VTA1: variants seen among roughly 807,000 people sequenced by gnomAD.
VTA1 encodes the protein vesicle trafficking 1.
In VTA1, 24 loss-of-function variants were observed where a neutral mutation model predicts 36.9. That is an observed-to-expected ratio of 0.65 (90% confidence interval 0.47 to 0.91). The LOEUF (loss-of-function observed/expected upper bound fraction) is 0.91. VTA1 is among the 40% of genes least tolerant of loss of function. The pLI is 0.00. For missense variants in VTA1, 393 were observed against 377.2 expected (o/e 1.04, Z -0.35); for synonymous variants, 142 against 130.2 (o/e 1.09, Z -0.62).
Position 142,222,930 on chromosome 6 carries a change from C to G in VTA1, c.*4287C>G, listed in dbSNP as rs1776137494. On this transcript the variant is annotated 3_prime_UTR_variant, in exon 8 of 8. Coordinates refer to ENST00000367630, the MANE Select transcript of VTA1 (RefSeq NM_016485.5). The stretch of plus-strand genomic sequence containing the variant: ...TCTGTTTTAAGATGAGGAAAGGGAG[C>G]CACAGAGTAACAAATTTGCCTAAGG... 1 of 152,128 alleles carries G rather than the reference C, an allele frequency of 6.6e-6. No individual in the cohort carries two copies. The highest frequency in any genetic ancestry group is 1.5e-5 in the Non-Finnish European group (1 of 68,008). 9.4% of individuals were successfully genotyped at this position (152,128 alleles called of 1,614,324 possible).
chr6:142,147,963 T>G (rs1328002155), intron 1 of VTA1, among the ~76,000 whole-genome samples: 1 of 152,226 alleles, frequency 6.6e-6, no homozygotes, highest in Non-Finnish European at 1.5e-5. Context: ...AGTTTTGACT[T>G]CTTTGAATAA....
intron 7 of VTA1, among the ~76,000 whole-genome samples, chr6:142,207,626 G>A (rs981869847): frequency 6.6e-6 from 1 of 151,818 alleles, no homozygotes; most frequent in African/African-American, 2.4e-5. Context: ...AGGAGGTAGC[G>A]ACCTAGCAGT....
chr6:142,208,444 C>A (rs1193710507), intron 7 of VTA1, among the ~76,000 whole-genome samples: 2 of 152,036 alleles, frequency 1.3e-5, no homozygotes, highest in African/African-American at 4.8e-5. Flanking sequence ...TAGAAATCTA[C>A]CTCAGAAGAC....
intron 4 of VTA1, among the ~76,000 whole-genome samples, chr6:142,173,944 T>C (rs1775071564): frequency 6.6e-6 from 1 of 151,598 alleles, no homozygotes; most frequent in Admixed American, 6.6e-5. Flanking sequence ...TTTTACCCCC[T>C]ATCTCACTAC....
At chr6:142,198,315 C>T (rs546235958) in intron 5 of VTA1, 124 bp from the exon 6 acceptor site, 2 of 828,882 alleles carry the variant, frequency 2.4e-6, no homozygotes, top group African/African-American at 1.8e-5. Context: ...GAGCTTGCTT[C>T]TCCACTGCAT....
At chr6:142,152,771 G>T (rs1778591629) in intron 1 of VTA1, among the ~76,000 whole-genome samples, 1 of 151,954 alleles carries the variant, frequency 6.6e-6, no homozygotes, top group African/African-American at 2.4e-5. Context: ...CATGTTAAGG[G>T]ATACATTTCT....
At chr6:142,158,525 T>C (rs780656602) in intron 1 of VTA1, among the ~76,000 whole-genome samples, 16 of 152,234 alleles carry the variant, frequency 1.1e-4, no homozygotes, top group Non-Finnish European at 2.2e-4. Flanking sequence ...GTTATTATTA[T>C]TCCAGTTCAG....
chr6:142,157,027 GGTAGCGTTTACCT>G (rs1330117388), intron 1 of VTA1, among the ~76,000 whole-genome samples: 2 of 152,188 alleles, frequency 1.3e-5, no homozygotes, highest in African/African-American at 4.8e-5. Flanking sequence ...AGCCGGGCGT[GGTAGCGTTTACCT>G]GTAGTCCCAG....
intron 2 of VTA1, among the ~76,000 whole-genome samples, chr6:142,166,633 G>C (rs868634005): frequency 6.8e-6 from 1 of 146,248 alleles, no homozygotes; most frequent in Non-Finnish European, 1.5e-5. Flanking sequence ...TTTTTAAGTT[G>C]AGACAGGGTC....
chr6:142,166,297 C>T lies in VTA1; in HGVS notation c.182C>T (p.Ser61Leu), dbSNP rs554812192. The T allele has an allele frequency of 6.2e-7, 1 of 1,611,712 alleles. No homozygotes were observed. Among genetic ancestry groups the T allele is most frequent in the East Asian group, 2.2e-5 (1 of 44,750 alleles). The change falls in exon 2 of 8, where the codon TCA (serine) becomes TTA (leucine). Residue 61 changes from serine (S) to leucine (L), a missense_variant. Transcript: ENST00000367630. ...SKTPECRKFL[S>L]KLMDQLEALK... ...ACTCCTGAATGTCGCAAATTTTTAT[C>T]AAAGTTAATGGATCAGTTAGAAGCT...
intron 3 of VTA1, among the ~76,000 whole-genome samples, chr6:142,170,019 G>T (rs185503786): frequency 2.6e-5 from 4 of 152,182 alleles, no homozygotes; most frequent in East Asian, 3.9e-4. Flanking sequence ...CAATTCAAAT[G>T]ATTTATCAGT....
At chr6:142,203,940 A>G (rs775134514) in intron 6 of VTA1, 45 bp from the exon 7 acceptor site, 3 of 1,508,224 alleles carry the variant, frequency 2.0e-6, no homozygotes, top group Non-Finnish European at 2.8e-6. Context: ...GTATAATTAA[A>G]AGGTGTAATA....
chr6:142,211,712 TA>T (rs915296407), intron 7 of VTA1, among the ~76,000 whole-genome samples: 35 of 99,838 alleles, frequency 3.5e-4, no homozygotes, highest in Non-Finnish European at 5.4e-4. Flanking sequence ...CTCCATCTCT[TA>T]AAAAAAAAAA....
chr6:142,197,504 C>T (rs1056841360), intron 5 of VTA1, among the ~76,000 whole-genome samples: 24 of 152,158 alleles, frequency 1.6e-4, no homozygotes, highest in Non-Finnish European at 2.9e-4. Context: ...AAATTCGGCT[C>T]ACGATACAGT....
At chr6:142,182,029 G>A (rs1775251548) in intron 4 of VTA1, among the ~76,000 whole-genome samples, 1 of 152,168 alleles carries the variant, frequency 6.6e-6, no homozygotes, top group Non-Finnish European at 1.5e-5. Flanking sequence ...TGGAAGTCTT[G>A]TTTATATAAT....
intron 2 of VTA1, among the ~76,000 whole-genome samples, chr6:142,168,959 C>T (rs553903208): frequency 3.6e-4 from 54 of 151,638 alleles, no homozygotes; most frequent in South Asian, 1.0e-3. Flanking sequence ...TTAGTAGAGA[C>T]GGGGTTTCAC....
chr6:142,216,918 C>T (rs1202496076), intron 7 of VTA1, among the ~76,000 whole-genome samples: 1 of 152,056 alleles, frequency 6.6e-6, no homozygotes, highest in South Asian at 2.1e-4. Flanking sequence ...CAAAAAGTAG[C>T]GTTAAGGTAA....
chr6:142,151,761 C>T (rs559561033), intron 1 of VTA1, among the ~76,000 whole-genome samples: 9 of 152,322 alleles, frequency 5.9e-5, no homozygotes, highest in East Asian at 1.9e-4. Context: ...TGGCCGAGCA[C>T]GGTGGCTCAT....
chr6:142,169,435 T>G (rs1488650396), intron 2 of VTA1, 115 bp from the exon 3 acceptor site: 7 of 1,205,378 alleles, frequency 5.8e-6, no homozygotes, highest in African/African-American at 1.6e-5. Flanking sequence ...GATGACATCT[T>G]TTATTGAAAT....
Sources: gnomAD v4.1 joint callset for allele counts (sites outside exome capture counted in the v4.1 genomes callset) on GRCh38, gnomAD v4.1.1 for gene constraint, MANE v1.5 for transcripts, NCBI Gene and HGNC (gene_info 2026-07-23, HGNC 2026-07-21) for gene names.